The following KLHL8 variants were observed in gnomAD, a reference collection of about 807,000 sequenced individuals.
KLHL8 encodes the protein kelch like family member 8, also known as kelch-like protein 8.
In KLHL8, 38 loss-of-function variants were observed where a neutral mutation model predicts 63.5. The observed-to-expected ratio is 0.60, with a 90% CI of 0.46 to 0.78. KLHL8 has a LOEUF of 0.78. KLHL8 is among the 30% of genes least tolerant of loss of function. The pLI is 0.00. For synonymous variants in KLHL8, 224 were observed against 254.3 expected, an observed-to-expected ratio of 0.88 and a Z score of 1.13; for missense variants, 566 against 752.4, an observed-to-expected ratio of 0.75 and a Z score of 2.90.
intron 1 of KLHL8, among the ~76,000 whole-genome samples, chr4:87,199,965 A>T (rs1731846283): frequency 1.3e-5 from 2 of 151,794 alleles, no homozygotes; most frequent in Non-Finnish European, 2.9e-5. Flanking sequence ...GGCAACACAG[A>T]CCTTGTCTCT....
chr4:87,205,257 G>A (rs6852873), intron 1 of KLHL8, among the ~76,000 whole-genome samples: 149,417 of 152,274 alleles, frequency 0.98, 73,365 homozygotes, highest in East Asian at 1. Context: ...AGATTTTAAA[G>A]TTAGCCACAT....
chr4:87,177,973 G>A (rs368049388), intron 5 of KLHL8, among the ~76,000 whole-genome samples: 8 of 151,938 alleles, frequency 5.3e-5, no homozygotes, highest in Admixed American at 3.9e-4. Flanking sequence ...ACTACTTCTG[G>A]GTGTTTGTGT....
rs138162021 is a variant in KLHL8 at position 87,235,742 on chromosome 4, G to A, written n.57+4516C>T. On this transcript the variant is annotated intron_variant and non_coding_transcript_variant, in intron 1 of 1. Coordinates refer to the KLHL8 transcript ENST00000506274. The stretch of plus-strand genomic sequence containing the variant: ...TGCTGAATTGAATATGGAGAGGTGT[G>A]ATAAAATGCAGAATATCTCTCAAAC... Among the ~76,000 whole-genome samples, 287 of 152,262 alleles carry A rather than the reference G, an allele frequency of 1.9e-3. 1 individual carries two copies. Among genetic ancestry groups the A allele is most frequent in the Non-Finnish European group, 3.3e-3 (226 of 68,026 alleles).
intron 1 of KLHL8, among the ~76,000 whole-genome samples, chr4:87,226,296 C>G (rs1732973047): frequency 6.6e-6 from 1 of 152,018 alleles, no homozygotes; most frequent in Non-Finnish European, 1.5e-5. Context: ...GGCGCGATGG[C>G]TCACGCCTGT....
chr4:87,201,988 G>A (rs894067325), intron 1 of KLHL8, among the ~76,000 whole-genome samples: 1 of 151,814 alleles, frequency 6.6e-6, no homozygotes, highest in East Asian at 1.9e-4. Context: ...GGTGCCTGTA[G>A]TCCCAGCTAC....
chr4:87,198,957 G>A lies in KLHL8; in HGVS notation c.-151-3267C>T, dbSNP rs149158675. ...AGTTGTTATCATTGAGGGAAACTGG[G>A]TGAAGGAAACATAAGATCTATTACT... On this transcript the variant is annotated intron_variant, in intron 1 of 9. Coordinates refer to ENST00000273963, the MANE Select transcript of KLHL8 (RefSeq NM_020803.5). Among the ~76,000 whole-genome samples the A allele has an allele frequency of 4.5e-3, 693 of 152,310 alleles. 1 individual carries two copies. Among genetic ancestry groups the A allele is most frequent in the African/African-American group, 0.016 (654 of 41,558 alleles).
chr4:87,229,134 A>G (rs894162648), intron 1 of KLHL8, among the ~76,000 whole-genome samples: 12 of 152,234 alleles, frequency 7.9e-5, no homozygotes, highest in African/African-American at 2.9e-4. Flanking sequence ...TGTTCAGCCT[A>G]TTTGGAAGGT....
Position 87,163,012 on chromosome 4 carries a change from C to G in KLHL8, c.*507G>C, listed in dbSNP as rs1730232154. The G allele has an allele frequency of 1.3e-5, 2 of 151,744 alleles. No homozygotes were observed. The highest frequency in any genetic ancestry group is 6.6e-5 in the Admixed American group (1 of 15,254). The allele number at this position is 151,744 out of a possible 1,614,324, so 9.4% of individuals were successfully genotyped here. The stretch of plus-strand genomic sequence containing the variant: ...ATAAAAGAAATTGAAAAATCACCAC[C>G]TAGAAAAAAAAAGCTAGGCATAAAT... On this transcript the variant is annotated 3_prime_UTR_variant, in exon 10 of 10. Coordinates refer to ENST00000273963, the MANE Select transcript of KLHL8 (RefSeq NM_020803.5).
rs776287460 is a variant in KLHL8 at position 87,170,129 on chromosome 4, C to T, written c.1487G>A (p.Arg496Gln). 8 of 1,614,012 alleles carry T rather than the reference C, an allele frequency of 5.0e-6. No individual in the cohort carries two copies. In the African/African-American group the frequency reaches 6.7e-5, roughly 13 times the overall value. The change falls in exon 8 of 10, where the codon CGA becomes CAA. Residue 496 changes from arginine (R) to glutamine (Q), a missense_variant. Physicochemically the swap from Arg to Gln is conservative, Grantham distance 43. Transcript: ENST00000273963. ...CTTGCTAACTCCATTGCCTGCTCTT[C>T]GCTGACCCATTTCTTTAACTTCTAT... Reference protein sequence around the residue: ...KWIEVKEMGQRRAGNGVSKLH... With the variant: ...KWIEVKEMGQQRAGNGVSKLH...
intron 2 of KLHL8, among the ~76,000 whole-genome samples, chr4:87,188,722 A>C (rs1281785237): frequency 6.6e-6 from 1 of 152,222 alleles, no homozygotes; most frequent in East Asian, 1.9e-4. Flanking sequence ...TGGTACAAAA[A>C]AATAATTACC....
At chr4:87,180,476 T>C (rs1023954060) in intron 4 of KLHL8, among the ~76,000 whole-genome samples, 1 of 152,254 alleles carries the variant, frequency 6.6e-6, no homozygotes, top group African/African-American at 2.4e-5. Flanking sequence ...CTGTTTTCTT[T>C]GTAAGTCCCA....
At chr4:87,211,518 A>G (rs1407495903) in intron 1 of KLHL8, among the ~76,000 whole-genome samples, 2 of 152,198 alleles carry the variant, frequency 1.3e-5, no homozygotes, top group African/African-American at 4.8e-5. Flanking sequence ...TTGGCCAGGC[A>G]CAGTGGCTCA....
Position 87,185,373 on chromosome 4 carries a change from T to C in KLHL8, c.643A>G (p.Lys215Glu). 1 of 1,614,146 alleles carries C rather than the reference T, an allele frequency of 6.2e-7. No homozygotes were observed. The highest frequency in any genetic ancestry group is 8.5e-7 in the Non-Finnish European group (1 of 1,180,018). The part of the protein sequence containing the change: ...FVSVSPQHLH[K>E]LLSSSDLNIE... ...TTTAGATCACTGGAGGACAAAAGCTTATGGAGGTGCTGCGGTGATACACTT... is the reference window on the plus strand; with the variant it reads ...TTTAGATCACTGGAGGACAAAAGCTCATGGAGGTGCTGCGGTGATACACTT... Residue 215 changes from lysine to glutamate, a missense_variant, in exon 3 of 10, where the codon AAG (lysine) becomes GAG (glutamate). By Grantham distance (56) the Lys-to-Glu change is moderately conservative. Transcript: ENST00000273963.
intron 1 of KLHL8, among the ~76,000 whole-genome samples, chr4:87,226,855 AAATAATATATATT>A (rs1733017943): frequency 3.2e-5 from 1 of 31,412 alleles, no homozygotes; most frequent in Non-Finnish European, 5.3e-5. Context: ...TATTATATAT[AAATAATATATATT>A]ATATATAAAT....
intron 1 of KLHL8, among the ~76,000 whole-genome samples, chr4:87,203,552 A>C (rs921609741): frequency 7.3e-5 from 11 of 150,390 alleles, no homozygotes; most frequent in African/African-American, 2.7e-4. Flanking sequence ...AAAAAAAAAC[A>C]AGGTGAACAC....
intron 1 of KLHL8, among the ~76,000 whole-genome samples, chr4:87,214,452 ATATATAT>A: frequency 9.8e-6 from 1 of 101,852 alleles, no homozygotes; most frequent in Non-Finnish European, 2.0e-5. Context: ...ATATATATAT[ATATATAT>A]AATTGTCATC....
intron 8 of KLHL8, among the ~76,000 whole-genome samples, chr4:87,168,976 A>G (rs1248525131): frequency 6.6e-6 from 1 of 151,404 alleles, no homozygotes; most frequent in Admixed American, 6.6e-5. Context: ...AAAAAAAAAA[A>G]AAGCAATATA....
chr4:87,184,752 A>C (rs1251081586), intron 3 of KLHL8, among the ~76,000 whole-genome samples: 1 of 152,158 alleles, frequency 6.6e-6, no homozygotes, highest in African/African-American at 2.4e-5. Context: ...AGTAACAATG[A>C]GACACATTTC....
At chr4:87,175,801 G>A (rs184036788) in intron 6 of KLHL8, among the ~76,000 whole-genome samples, 46 of 152,214 alleles carry the variant, frequency 3.0e-4, no homozygotes, top group Admixed American at 1.2e-3. Flanking sequence ...ATATGTAGGT[G>A]AGAACTTAAA....
Sources: gnomAD v4.1 joint callset for allele counts (sites outside exome capture counted in the v4.1 genomes callset) on GRCh38, gnomAD v4.1.1 for gene constraint, MANE v1.5 for transcripts, NCBI Gene and HGNC (gene_info 2026-07-23, HGNC 2026-07-21) for gene names.